EIF4ENIF1: variants seen among roughly 807,000 people sequenced by gnomAD.
The protein encoded by EIF4ENIF1 is eukaryotic translation initiation factor 4E transporter.
EIF4ENIF1 carries 23 observed loss-of-function variants against 110.5 expected under a neutral mutation model. The ratio of observed to expected loss-of-function variants is 0.21; its 90% CI spans 0.15 to 0.29. EIF4ENIF1 has a LOEUF of 0.29. Ranked by LOEUF, EIF4ENIF1 falls within the 10% of genes least tolerant of loss-of-function variation. The pLI, the probability that EIF4ENIF1 is intolerant of heterozygous loss-of-function variation, is 1.00. For missense variants in EIF4ENIF1, 1,031 were observed against 1,221.1 expected (o/e 0.84, Z 2.32); for synonymous variants, 440 against 437.0 (o/e 1.01, Z -0.09).
chr22:31,490,001 C>T (rs1022247949), upstream of EIF4ENIF1: 3 of 152,294 alleles, frequency 2.0e-5, no homozygotes, highest in African/African-American at 4.8e-5. Context: ...GCTTCCCGGA[C>T]GCCAGCCCCT....
intron 9 of EIF4ENIF1, 113 bp downstream of exon 9, chr22:31,455,023 C>A: frequency 1.1e-6 from 1 of 882,546 alleles, no homozygotes; most frequent in African/African-American, 1.7e-5. Context: ...TAAACAAAAA[C>A]CCAATATATA....
Position 31,439,622 on chromosome 22 carries a change from T to G in EIF4ENIF1, c.*258A>C. On this transcript the variant is annotated 3_prime_UTR_variant, in exon 19 of 19. Transcript: ENST00000330125. ...TCTTGGTGAGGACACCAACACTTCA[T>G]TCACATATCTTACAAAAAAGAAAGA... is the stretch of plus-strand genomic sequence containing the variant. 2.0e-6 allele frequency: 1 copy of G among 509,388 alleles called. No individual in the cohort carries two copies. The highest frequency in any genetic ancestry group is 1.9e-5 in the African/African-American group (1 of 51,832). 31.6% of individuals were successfully genotyped at this position (509,388 alleles called of 1,614,324 possible). A position where few individuals can be genotyped will look rare whatever the true frequency, so the allele number is the denominator to read the frequency against.
chr22:31,458,674 A>G (rs776377545), intron 6 of EIF4ENIF1, 24 bp from the exon 7 acceptor site: 22 of 1,550,524 alleles, frequency 1.4e-5, no homozygotes, highest in Non-Finnish European at 1.8e-5. Context: ...CAGGACAAAA[A>G]CCGTCTGATA....
rs375330144 is a variant in EIF4ENIF1 at position 31,454,291 on chromosome 22, A to G, written c.1365T>C (p.Thr455=). ...LKVDQQVKNS[T]PFMAEHLEET... is the part of the protein sequence containing the mutation. ...CTTCTAGGTGTTCTGCCATGAAGGG[A>G]GTTGAATTCTTCACTTGCTGGTCAA... The change falls in exon 10 of 19, where the codon ACT becomes ACC. Residue 455 remains threonine (T), a synonymous_variant. Coordinates refer to ENST00000330125, the MANE Select transcript of EIF4ENIF1 (RefSeq NM_019843.4). 1.9e-6 allele frequency: 3 copies of G among 1,613,946 alleles called. No individual in the cohort carries two copies. The African/African-American group carries it at 4.0e-5, about 22-fold the overall frequency.
intron 2 of EIF4ENIF1, among the ~76,000 whole-genome samples, chr22:31,478,983 C>T (rs1440783749): frequency 6.7e-6 from 1 of 148,578 alleles, no homozygotes; most frequent in African/African-American, 2.5e-5. Context: ...GCTCTCTTTA[C>T]AACTGTCCAC....
At chr22:31,438,637 G>A (rs1454741508), downstream of EIF4ENIF1, among the ~76,000 whole-genome samples, 1 of 152,140 alleles carries the variant, frequency 6.6e-6, no homozygotes, top group Non-Finnish European at 1.5e-5. Context: ...TATAGGGTCA[G>A]TCCAGTATAA....
Position 31,439,845 on chromosome 22 carries a change from A to G in EIF4ENIF1, c.*35T>C, listed in dbSNP as rs374419532. ...GCAGGGTCCTGCCCAGTGTGCCACC[A>G]CAGGTCCGGGCTTAGTTGAGTCTGC... On this transcript the variant is annotated 3_prime_UTR_variant, in exon 19 of 19. Transcript: ENST00000330125. 44 of 1,605,380 alleles carry G rather than the reference A, an allele frequency of 2.7e-5. No individual in the cohort carries two copies. Among genetic ancestry groups the G allele is most frequent in the South Asian group, 4.4e-5 (4 of 90,714 alleles).
rs1469690465 is a variant in EIF4ENIF1, at chr22:31,444,635, G to A, written c.2044C>T (p.Pro682Ser). The change falls in exon 15 of 19, where the codon CCT becomes TCT. Residue 682 changes from proline to serine, a missense_variant. Coordinates refer to ENST00000330125, the MANE Select transcript of EIF4ENIF1 (RefSeq NM_019843.4). ...CTTGTGATGGAGGCAGCAGGGGCAG[G>A]GGAAGAGGAATTCCCTCGATGCACG... ...APVHRGNSSSPAPAASITSML... is the reference protein window; with the variant it reads ...APVHRGNSSSSAPAASITSML... 1 of 1,614,122 alleles carries A rather than the reference G, an allele frequency of 6.2e-7. No homozygotes were observed. Among genetic ancestry groups the A allele is most frequent in the South Asian group, 1.1e-5 (1 of 91,082 alleles).
intron 10 of EIF4ENIF1, chr22:31,450,659 C>T (rs932587273): frequency 1.9e-5 from 6 of 313,186 alleles, no homozygotes; most frequent in African/African-American, 4.3e-5. Flanking sequence ...ATGGTGAAAC[C>T]GGGGAACACT....
At chr22:31,457,470 T>C (rs2050866227) in intron 7 of EIF4ENIF1, among the ~76,000 whole-genome samples, 1 of 152,192 alleles carries the variant, frequency 6.6e-6, no homozygotes, top group South Asian at 2.1e-4. Flanking sequence ...ATCAGACATA[T>C]CCTTGAAAAT....
intron 1 of EIF4ENIF1, chr22:31,489,465 G>C (rs1226772450): frequency 1.3e-5 from 2 of 151,400 alleles, no homozygotes; most frequent in African/African-American, 2.4e-5. Flanking sequence ...AGCTAGCGCA[G>C]GCCCGCAGCC....
At chr22:31,489,621 G>C (rs1296998817) in intron 1 of EIF4ENIF1, 73 bp downstream of exon 1, 2 of 122,334 alleles carry the variant, frequency 1.6e-5, no homozygotes, top group Non-Finnish European at 3.5e-5. Context: ...CAATGCGCCC[G>C]CGCCCCTTCT....
Position 31,463,868 on chromosome 22 carries a change from G to A in EIF4ENIF1, c.398C>T (p.Ser133Phe), listed in dbSNP as rs201117670. The A allele has an allele frequency of 2.1e-4, 340 of 1,614,136 alleles. No homozygotes were observed. Among genetic ancestry groups the A allele is most frequent in the Non-Finnish European group, 2.9e-5 (34 of 1,180,040 alleles). Residue 133 changes from serine (S) to phenylalanine (F), a missense_variant, in exon 5 of 19, where the codon TCC (serine) becomes TTC (phenylalanine). By Grantham distance (155) the Ser-to-Phe change is radical (BLOSUM62 -2). Around this residue, in one of 3 missense-constraint regions of EIF4ENIF1, gnomAD observed 704 missense variants for 879.7 expected, o/e 0.80. Coordinates refer to ENST00000330125, the MANE Select transcript of EIF4ENIF1 (RefSeq NM_019843.4). ...CTCTAATGGACTTCCTGAGCGCCGG[G>A]AGCTAACAGCGGCTGTCACGTGGCA... ...GGCHVTAAVS[S>F]RRSGSPLEKD...
At chr22:31,441,550 GAAAAAAAA>G (rs771597260) in intron 17 of EIF4ENIF1, among the ~76,000 whole-genome samples, 6 of 65,260 alleles carry the variant, frequency 9.2e-5, no homozygotes, top group East Asian at 4.0e-4. Context: ...CTACAAAAAG[GAAAAAAAA>G]AAAAAAAAAA....
At chr22:31,471,771 C>T in intron 3 of EIF4ENIF1, 73 bp downstream of exon 3, 1 of 1,324,666 alleles carries the variant, frequency 7.5e-7, no homozygotes, top group Non-Finnish European at 1.1e-6. Flanking sequence ...CAATACAATT[C>T]TTAATTTACC....
In EIF4ENIF1 at chr22:31,444,676, G is replaced by A. The variant is rs1459075793; in HGVS notation, c.2003C>T (p.Thr668Ile). Reference protein sequence around the residue: ...DGFRNRQQRVTKSPAPVHRGN... With the variant: ...DGFRNRQQRVIKSPAPVHRGN... The stretch of plus-strand genomic sequence containing the variant: ...TCGATGCACGGGTGCTGGTGACTTG[G>A]TCACTCGCTGTTGCCTGTGAACAAA... The change falls in exon 15 of 19, where the codon ACC (threonine) becomes ATC (isoleucine). Residue 668 changes from threonine (T) to isoleucine (I), a missense_variant. Transcript: ENST00000330125. The A allele has an allele frequency of 5.6e-6, 9 of 1,613,966 alleles. No individual in the cohort carries two copies. Among genetic ancestry groups the A allele is most frequent in the Middle Eastern group, 3.3e-4 (2 of 6,084 alleles).
In EIF4ENIF1 at chr22:31,441,914, A is replaced by T. The variant is rs2050312316; in HGVS notation, c.2411T>A (p.Phe804Tyr). ...TLASPVPTTP[F>Y]LRPVHQVPLV... ...GGGAACTTGGTGGACAGGGCGGAGA[A>T]AAGGTGTTGTAGGAACTGGGGATGC... The change falls in exon 17 of 19, where the codon TTT (phenylalanine) becomes TAT (tyrosine). Residue 804 changes from phenylalanine to tyrosine, a missense_variant. Transcript: ENST00000330125. The T allele has an allele frequency of 1.2e-6, 2 of 1,614,040 alleles. No individual in the cohort carries two copies. The highest frequency in any genetic ancestry group is 1.7e-6 in the Non-Finnish European group (2 of 1,180,034).
chr22:31,463,611 A>C, intron 5 of EIF4ENIF1, 70 bp downstream of exon 5: 2 of 1,423,170 alleles, frequency 1.4e-6, no homozygotes, highest in Non-Finnish European at 1.9e-6. Flanking sequence ...GTGCCATTGC[A>C]CTCCAGCCTG....
At position 31,440,015 on chromosome 22, in the gene EIF4ENIF1, C is replaced by T; in HGVS notation, c.2823G>A (p.Leu941=). Residue 941 remains leucine (L), a synonymous_variant, in exon 19 of 19, where the codon CTG becomes CTA. Coordinates refer to ENST00000330125, the MANE Select transcript of EIF4ENIF1 (RefSeq NM_019843.4). ...TGCTCCTCTGGCTGGGGCGATGCTC[C>T]AGCTGGGAGTGCATGTGGGGCAGGC... The part of the protein sequence containing the change: ...RSGLPHMHSQ[L]EHRPSQRSSS... 4 of 1,613,912 alleles carry T rather than the reference C, an allele frequency of 2.5e-6. No individual in the cohort carries two copies. The highest frequency in any genetic ancestry group is 3.4e-6 in the Non-Finnish European group (4 of 1,179,888).
Sources: allele counts gnomAD v4.1 joint callset (sites outside exome capture counted in the v4.1 genomes callset), GRCh38; gene constraint gnomAD v4.1.1; regional missense constraint gnomAD v4.1.1; transcripts MANE v1.5; gene names NCBI Gene and HGNC (gene_info 2026-07-23, HGNC 2026-07-21).